SH3BGRL2: variants seen among roughly 807,000 people sequenced by gnomAD.
The protein encoded by SH3BGRL2 is SH3 domain binding glutamate rich protein like 2, also known as SH3 domain-binding glutamic acid-rich-like protein 2.
In SH3BGRL2, 21 loss-of-function variants were observed where a neutral mutation model predicts 14.8. The ratio of observed to expected loss-of-function variants is 1.42; its 90% CI spans 1.01 to 2.05. The LOEUF (loss-of-function observed/expected upper bound fraction) is 2.05. Among genes scored for constraint, SH3BGRL2 ranks in the 30% most tolerant of loss-of-function variants. SH3BGRL2 has a pLI of 0.00. For synonymous variants in SH3BGRL2, 50 were observed against 47.8 expected (o/e 1.05, Z -0.19); for missense variants, 147 against 130.8 (o/e 1.12, Z -0.61).
At chr6:79,684,286 A>G (rs572611887) in intron 2 of SH3BGRL2, among the ~76,000 whole-genome samples, 4 of 152,024 alleles carry the variant, frequency 2.6e-5, no homozygotes, top group Non-Finnish European at 5.9e-5. Flanking sequence ...TTGTTATTAC[A>G]CTTTCTGTAA....
At chr6:79,644,085 T>A (rs1769671892) in intron 1 of SH3BGRL2, among the ~76,000 whole-genome samples, 1 of 152,148 alleles carries the variant, frequency 6.6e-6, no homozygotes, top group African/African-American at 2.4e-5. Context: ...GGGCAACAGA[T>A]CCATGGGGAC....
intron 1 of SH3BGRL2, among the ~76,000 whole-genome samples, chr6:79,655,872 C>T (rs953075417): frequency 2.6e-5 from 4 of 152,190 alleles, no homozygotes; most frequent in African/African-American, 2.4e-5. Flanking sequence ...ATTCACCCCT[C>T]CATAATCTGT....
the SH3BGRL2 span, among the ~76,000 whole-genome samples, chr6:79,563,081 G>A: frequency 4.6e-5 from 7 of 151,910 alleles, no homozygotes; most frequent in African/African-American, 1.2e-4. Context: ...TCAGCCTCTC[G>A]AGGAGCTGGG....
At chr6:79,627,418 C>T (rs899808321), upstream of SH3BGRL2, among the ~76,000 whole-genome samples, 2 of 152,050 alleles carry the variant, frequency 1.3e-5, no homozygotes, top group African/African-American at 2.4e-5. Context: ...TGACAGGCAC[C>T]GTATGGCATA....
the SH3BGRL2 span, among the ~76,000 whole-genome samples, chr6:79,544,079 T>A: frequency 6.6e-6 from 1 of 152,190 alleles, no homozygotes; most frequent in African/African-American, 2.4e-5. Flanking sequence ...AATACAGTCA[T>A]GGGTTCTCAG....
intron 2 of SH3BGRL2, among the ~76,000 whole-genome samples, chr6:79,683,577 T>C (rs1770033437): frequency 6.6e-6 from 1 of 151,920 alleles, no homozygotes; most frequent in African/African-American, 2.4e-5. Context: ...GCCTCCCGAG[T>C]AGCTGGGACT....
At chr6:79,575,500 T>G in the SH3BGRL2 span, 10 of 152,216 alleles carry the variant, frequency 6.6e-5, no homozygotes. Flanking sequence ...ATGATGCTAT[T>G]TATTCCCAAT....
chr6:79,541,936 C>T, the SH3BGRL2 span, among the ~76,000 whole-genome samples: 5 of 152,150 alleles, frequency 3.3e-5, no homozygotes, highest in African/African-American at 1.2e-4. Flanking sequence ...ATGAGATTAA[C>T]CAAATTTTGT....
the SH3BGRL2 span, among the ~76,000 whole-genome samples, chr6:79,540,536 A>G: frequency 6.6e-5 from 10 of 152,286 alleles, no homozygotes; most frequent in African/African-American, 1.7e-4. Context: ...TCTGATTGCT[A>G]TGAATACTTG....
chr6:79,688,400 G>A (rs1346916684), intron 2 of SH3BGRL2, among the ~76,000 whole-genome samples: 1 of 152,108 alleles, frequency 6.6e-6, no homozygotes, highest in African/African-American at 2.4e-5. Context: ...TAAATGGAAT[G>A]AAAATGTACC....
At chr6:79,628,874 T>C (rs10455123), upstream of SH3BGRL2, among the ~76,000 whole-genome samples, 14,166 of 152,216 alleles carry the variant, frequency 0.093, 869 homozygotes, top group Middle Eastern at 0.17. Context: ...AAACAAAACC[T>C]ATTTCAGGTG....
At chr6:79,607,124 C>G in the SH3BGRL2 span, among the ~76,000 whole-genome samples, 4 of 152,122 alleles carry the variant, frequency 2.6e-5, no homozygotes, top group African/African-American at 9.7e-5. Context: ...CTCACATAAG[C>G]CTTGTTTGGT....
At chr6:79,658,770 G>A (rs866691768) in intron 1 of SH3BGRL2, among the ~76,000 whole-genome samples, 51 of 152,310 alleles carry the variant, frequency 3.3e-4, no homozygotes, top group African/African-American at 1.1e-3. Flanking sequence ...CAGTGTAAAA[G>A]CGTTCCTATT....
chr6:79,549,872 G>A, the SH3BGRL2 span, among the ~76,000 whole-genome samples: 1 of 152,146 alleles, frequency 6.6e-6, no homozygotes, highest in Non-Finnish European at 1.5e-5. Context: ...GTGGGCTACT[G>A]ACAAAAATGA....
intron 1 of SH3BGRL2, among the ~76,000 whole-genome samples, chr6:79,663,618 G>T (rs1429226167): frequency 3.3e-5 from 5 of 152,174 alleles, no homozygotes; most frequent in Non-Finnish European, 5.9e-5. Context: ...GGCTACACAG[G>T]GATCAGGGAC....
the SH3BGRL2 span, among the ~76,000 whole-genome samples, chr6:79,606,955 CTTTA>C: frequency 6.6e-6 from 1 of 152,046 alleles, no homozygotes; most frequent in East Asian, 1.9e-4. Context: ...TACTTTGCTT[CTTTA>C]TTAGAATAGA....
At chr6:79,591,494 G>A in the SH3BGRL2 span, among the ~76,000 whole-genome samples, 5 of 152,010 alleles carry the variant, frequency 3.3e-5, no homozygotes, top group African/African-American at 1.2e-4. Flanking sequence ...TGCAACCTCC[G>A]CCTCCTGGGT....
rs1770479820 is a variant in SH3BGRL2 at position 79,702,392 on chromosome 6, T to G, written c.*2883T>G. On this transcript the variant is annotated 3_prime_UTR_variant, in exon 4 of 4. Coordinates refer to ENST00000369838, the MANE Select transcript of SH3BGRL2 (RefSeq NM_031469.4). Reference sequence around the variant, plus strand: ...CTTTTGTTAAGTGTCAGGCTGCACTTTGCTCCATATAATTATTGTTTTCAG... The same window carrying G: ...CTTTTGTTAAGTGTCAGGCTGCACTGTGCTCCATATAATTATTGTTTTCAG... The G allele has an allele frequency of 6.6e-6, 1 of 152,638 alleles. No individual in the cohort carries two copies. Among genetic ancestry groups the G allele is most frequent in the Admixed American group, 6.5e-5 (1 of 15,282 alleles). The allele number at this position is 152,638 out of a possible 1,614,324, so 9.5% of individuals were successfully genotyped here. A position where few individuals can be genotyped will look rare whatever the true frequency, so the allele number is the denominator to read the frequency against.
chr6:79,654,829 T>G (rs1282443741), intron 1 of SH3BGRL2, among the ~76,000 whole-genome samples: 1 of 152,178 alleles, frequency 6.6e-6, no homozygotes, highest in African/African-American at 2.4e-5. Context: ...CTTTTACTTT[T>G]ATTCCTCTTC....
Sources: allele counts gnomAD v4.1 joint callset (sites outside exome capture counted in the v4.1 genomes callset), GRCh38; gene constraint gnomAD v4.1.1; transcripts MANE v1.5; gene names NCBI Gene and HGNC (gene_info 2026-07-23, HGNC 2026-07-21).